Variants in TMOD1 observed in about 807,000 individuals in gnomAD.
TMOD1 encodes tropomodulin 1, also known as tropomodulin-1.
TMOD1 carries 17 observed loss-of-function variants against 40.6 expected under a neutral mutation model. The observed-to-expected ratio is 0.42, with a 90% CI of 0.29 to 0.63. TMOD1 has a LOEUF of 0.63. TMOD1 is among the 20% of genes least tolerant of loss of function. The probability of loss-of-function intolerance (pLI) is 0.22; values close to 1 mark genes in which losing one functional copy is unlikely to be tolerated. For missense variants in TMOD1, 391 were observed against 447.6 expected (o/e 0.87, Z 1.14); for synonymous variants, 181 against 175.0 (o/e 1.03, Z -0.27).
chr9:97,507,958 C>G (rs1030098776), intron 1 of TMOD1, among the ~76,000 whole-genome samples: 1 of 151,944 alleles, frequency 6.6e-6, no homozygotes, highest in Non-Finnish European at 1.5e-5. Flanking sequence ...GGCCAGGGAA[C>G]CTAGGAGCAA....
At position 97,565,276 on chromosome 9, in the gene TMOD1, C is replaced by T. The variant is rs1377147387; in HGVS notation, c.619-572C>T. 2.0e-5 allele frequency among the ~76,000 whole-genome samples: 3 copies of T among 152,194 alleles called. No individual in the cohort carries two copies. The South Asian group carries it at 6.2e-4, about 31-fold the overall frequency. On this transcript the variant is annotated intron_variant, in intron 6 of 9. Coordinates refer to ENST00000259365, the MANE Select transcript of TMOD1 (RefSeq NM_003275.4). ...AGATTAAAAAATATATACCAACGCC[C>T]AGGCCTGACCCTAGAGATTCTGATT...
chr9:97,559,817 A>G (rs1353549160), intron 4 of TMOD1, among the ~76,000 whole-genome samples: 18 of 43,272 alleles, frequency 4.2e-4, no homozygotes, highest in African/African-American at 1.3e-3. Context: ...ATATATATAT[A>G]TATATATGTC....
chr9:97,542,552 C>T (rs912164823), intron 2 of TMOD1, among the ~76,000 whole-genome samples: 2 of 151,808 alleles, frequency 1.3e-5, no homozygotes, highest in African/African-American at 4.8e-5. Context: ...GCAATTTTGC[C>T]CCTCAAAGGA....
chr9:97,525,374 CACAAT>C (rs1829997726), intron 2 of TMOD1, among the ~76,000 whole-genome samples: 1 of 152,308 alleles, frequency 6.6e-6, no homozygotes, highest in East Asian at 1.9e-4. Context: ...CACACACACA[CACAAT>C]ACAAGTGTTC....
At chr9:97,535,068 GAGT>G (rs1402175866) in intron 2 of TMOD1, among the ~76,000 whole-genome samples, 5 of 152,188 alleles carry the variant, frequency 3.3e-5, no homozygotes, top group Admixed American at 3.3e-4. Context: ...GGAGAGGTGG[GAGT>G]AGGTTGGAGT....
intron 1 of TMOD1, chr9:97,512,571 A>C: frequency 6.6e-6 from 1 of 151,958 alleles, no homozygotes; most frequent in South Asian, 2.1e-4. Context: ...CTACACATCA[A>C]TGAGAAAGAA....
At chr9:97,597,768 G>A (rs753607099) in intron 9 of TMOD1, among the ~76,000 whole-genome samples, 1 of 150,630 alleles carries the variant, frequency 6.6e-6, no homozygotes, top group Non-Finnish European at 1.5e-5. Context: ...ATCCGGCCCA[G>A]TGGACACAAT....
At chr9:97,510,703 C>T (rs1829682234) in intron 1 of TMOD1, among the ~76,000 whole-genome samples, 1 of 152,182 alleles carries the variant, frequency 6.6e-6, no homozygotes, top group East Asian at 1.9e-4. Context: ...CCTCAGGTAG[C>T]TTTTAGTCTT....
chr9:97,552,112 G>A (rs896124978), intron 3 of TMOD1, among the ~76,000 whole-genome samples: 1 of 152,114 alleles, frequency 6.6e-6, no homozygotes, highest in African/African-American at 2.4e-5. Context: ...ATAAGATTAT[G>A]TCTTCTACAA....
chr9:97,576,649 T>C (rs796835509), intron 8 of TMOD1, among the ~76,000 whole-genome samples: 3 of 152,076 alleles, frequency 2.0e-5, no homozygotes, highest in African/African-American at 7.2e-5. Flanking sequence ...TTTTTCTTTT[T>C]TTGAGACGGA....
intron 5 of TMOD1, among the ~76,000 whole-genome samples, chr9:97,563,776 T>G (rs1336554216): frequency 6.6e-6 from 1 of 152,188 alleles, no homozygotes; most frequent in Non-Finnish European, 1.5e-5. Context: ...GCCTTACAGA[T>G]GTAGACCCAA....
At chr9:97,561,148 A>G (rs550024586) in intron 4 of TMOD1, among the ~76,000 whole-genome samples, 1 of 152,260 alleles carries the variant, frequency 6.6e-6, no homozygotes, top group Admixed American at 6.5e-5. Flanking sequence ...AGCCACATCC[A>G]TCTCTCCCCT....
chr9:97,522,012 A>G (rs1341974916), intron 1 of TMOD1, among the ~76,000 whole-genome samples: 3 of 152,150 alleles, frequency 2.0e-5, no homozygotes, highest in Admixed American at 6.5e-5. Context: ...AGAAAATTCC[A>G]TCATCATTTC....
chr9:97,571,980 C>A (rs1229054558), intron 8 of TMOD1, among the ~76,000 whole-genome samples: 1 of 152,206 alleles, frequency 6.6e-6, no homozygotes, highest in East Asian at 1.9e-4. Context: ...GAAGTTTCCT[C>A]ACTGGATGGG....
chr9:97,567,774 G>T (rs578212969), intron 7 of TMOD1, among the ~76,000 whole-genome samples: 1 of 152,098 alleles, frequency 6.6e-6, no homozygotes, highest in Non-Finnish European at 1.5e-5. Context: ...GAAGTGAAGG[G>T]CACTGAGGAG....
rs1342671920 is a variant in TMOD1 at position 97,600,606 on chromosome 9, T to C, written c.*908T>C. 1.0e-5 allele frequency: 10 copies of C among 986,656 alleles called. No homozygotes were observed. In the African/African-American group the frequency reaches 1.7e-4, roughly 17 times the overall value. 61.1% of individuals were successfully genotyped at this position (986,656 alleles called of 1,614,324 possible). A position where few individuals can be genotyped will look rare whatever the true frequency, so the allele number is the denominator to read the frequency against. On this transcript the variant is annotated 3_prime_UTR_variant, in exon 10 of 10. Coordinates refer to ENST00000259365, the MANE Select transcript of TMOD1 (RefSeq NM_003275.4). ...TTCCAGATCAACATGGCTATGGTAT[T>C]TAGTAATGGCCCAGCTTAGAGACTT...
intron 8 of TMOD1, among the ~76,000 whole-genome samples, chr9:97,577,645 G>A (rs975655830): frequency 2.6e-5 from 4 of 152,022 alleles, no homozygotes; most frequent in Non-Finnish European, 5.9e-5. Flanking sequence ...AAAATTAGCT[G>A]GGCGTGGTGG....
intron 1 of TMOD1, among the ~76,000 whole-genome samples, chr9:97,514,704 T>C (rs576333924): frequency 3.3e-4 from 50 of 152,304 alleles, no homozygotes; most frequent in Non-Finnish European, 3.8e-4. Flanking sequence ...AGGTACCTAA[T>C]GTCCTGGCAC....
Position 97,600,079 on chromosome 9 carries a change from A to G in TMOD1, c.*381A>G, listed in dbSNP as rs988858127. On this transcript the variant is annotated 3_prime_UTR_variant, in exon 10 of 10. Transcript: ENST00000259365. ...ACACAGAAACGGCACACTCTTCCAC[A>G]TGCTTTTGAAGTATTATAAAACACT... The G allele has an allele frequency of 3.4e-5, 35 of 1,035,104 alleles. No individual in the cohort carries two copies. The East Asian group carries it at 9.8e-4, about 29-fold the overall frequency. The allele number at this position is 1,035,104 out of a possible 1,614,324, so 64.1% of individuals were successfully genotyped here.
Sources: gnomAD v4.1 joint callset for allele counts (sites outside exome capture counted in the v4.1 genomes callset) on GRCh38, gnomAD v4.1.1 for gene constraint, MANE v1.5 for transcripts, NCBI Gene and HGNC (gene_info 2026-07-23, HGNC 2026-07-21) for gene names.